SUMF1: variants seen among roughly 807,000 people sequenced by gnomAD.
The protein encoded by SUMF1 is sulfatase modifying factor 1, also known as formylglycine-generating enzyme.
A neutral mutation model predicts 47.6 loss-of-function variants in SUMF1; 48 were observed. The ratio of observed to expected loss-of-function variants is 1.01; its 90% CI spans 0.80 to 1.28. The LOEUF (loss-of-function observed/expected upper bound fraction) is 1.28. SUMF1 is among the 50% of genes most tolerant of loss of function. The pLI is 0.00. For missense variants in SUMF1, 571 were observed against 485.4 expected (o/e 1.18, Z -1.66); for synonymous variants, 230 against 192.1 (o/e 1.20, Z -1.63).
At chr3:4,174,888 G>A (rs1450542626) in intron 8 of SUMF1, among the ~76,000 whole-genome samples, 3 of 152,322 alleles carry the variant, frequency 2.0e-5, no homozygotes, top group Non-Finnish European at 4.4e-5. Context: ...TCTCTCCTGT[G>A]CCTGGCTCGG....
At chr3:4,090,782 T>A (rs1692768187) in intron 8 of SUMF1, among the ~76,000 whole-genome samples, 1 of 152,116 alleles carries the variant, frequency 6.6e-6, no homozygotes, top group African/African-American at 2.4e-5. Flanking sequence ...TGGGTAAACA[T>A]TATCTTGTTT....
intron 1 of SUMF1, among the ~76,000 whole-genome samples, chr3:4,457,378 C>G (rs1205591900): frequency 1.3e-5 from 2 of 151,566 alleles, no homozygotes; most frequent in Non-Finnish European, 2.9e-5. Context: ...TGTCATTTTT[C>G]AAGGAAATAG....
At chr3:4,255,241 C>A (rs1231871666) in intron 8 of SUMF1, among the ~76,000 whole-genome samples, 1 of 124,340 alleles carries the variant, frequency 8.0e-6, no homozygotes, top group Admixed American at 8.2e-5. Flanking sequence ...ATCATAATGA[C>A]AGGATCAAAT....
chr3:4,405,266 C>T (rs903283113), intron 7 of SUMF1, among the ~76,000 whole-genome samples: 2 of 152,156 alleles, frequency 1.3e-5, no homozygotes, highest in Non-Finnish European at 2.9e-5. Context: ...TGGTATGTGC[C>T]CCAAATGTAC....
chr3:4,094,503 G>A (rs1329982719), intron 8 of SUMF1, among the ~76,000 whole-genome samples: 2 of 152,042 alleles, frequency 1.3e-5, no homozygotes, highest in Admixed American at 1.3e-4. Flanking sequence ...TGATGGAGAG[G>A]TCAGGATGTA....
intron 3 of SUMF1, among the ~76,000 whole-genome samples, chr3:4,423,652 T>G (rs908692018): frequency 1.3e-5 from 2 of 152,240 alleles, no homozygotes; most frequent in Admixed American, 6.5e-5. Flanking sequence ...ATTTTACATA[T>G]AATAATTGAT....
intron 8 of SUMF1, among the ~76,000 whole-genome samples, chr3:4,077,983 T>C (rs952153955): frequency 1.3e-5 from 2 of 152,066 alleles, no homozygotes; most frequent in African/African-American, 2.4e-5. Context: ...TTTCATGGCA[T>C]TTTTTTCTTG....
chr3:4,427,169 T>A (rs1246446402), intron 3 of SUMF1, among the ~76,000 whole-genome samples: 2 of 152,234 alleles, frequency 1.3e-5, no homozygotes, highest in East Asian at 3.8e-4. Flanking sequence ...TCTGTATAAT[T>A]ATGCATACTC....
intron 6 of SUMF1, among the ~76,000 whole-genome samples, chr3:4,412,166 G>T (rs1379819054): frequency 6.6e-6 from 1 of 152,210 alleles, no homozygotes; most frequent in Non-Finnish European, 1.5e-5. Context: ...GATTCATTCA[G>T]TAATTCCATG....
At chr3:4,264,002 C>T (rs543767827) in intron 8 of SUMF1, among the ~76,000 whole-genome samples, 1 of 152,226 alleles carries the variant, frequency 6.6e-6, no homozygotes, top group African/African-American at 2.4e-5. Flanking sequence ...TTTACTATTA[C>T]GCACATAACA....
At chr3:4,239,495 T>C (rs1382436549) in intron 8 of SUMF1, among the ~76,000 whole-genome samples, 1 of 152,206 alleles carries the variant, frequency 6.6e-6, no homozygotes, top group Non-Finnish European at 1.5e-5. Context: ...TTCACATCCC[T>C]TGTAAGTTGG....
At position 4,151,752 on chromosome 3, in the gene SUMF1, T is replaced by C. The variant is rs181930925; in HGVS notation, c.1015-83007A>G. Among the ~76,000 whole-genome samples the C allele has an allele frequency of 2.8e-4, 42 of 150,682 alleles. No homozygotes were observed. The East Asian group carries it at 7.9e-3, about 28-fold the overall frequency. On this transcript the variant is annotated intron_variant and NMD_transcript_variant, in intron 8 of 12. Transcript: ENST00000448413. The stretch of plus-strand genomic sequence containing the variant: ...TCTCATAATGTTTTAAGAAAGTTTA[T>C]GAATCTGTGTTGGGCCACATTCAAA...
intron 8 of SUMF1, among the ~76,000 whole-genome samples, chr3:4,224,793 G>C (rs1394759752): frequency 6.6e-6 from 1 of 152,034 alleles, no homozygotes; most frequent in Admixed American, 6.6e-5. Flanking sequence ...TGAGATAAGA[G>C]AGGAAAATGA....
chr3:4,401,853 T>G (rs572015105), intron 7 of SUMF1, among the ~76,000 whole-genome samples: 327 of 152,284 alleles, frequency 2.1e-3, no homozygotes, highest in Middle Eastern at 6.8e-3. Flanking sequence ...TGGCTCTCCC[T>G]TCCCAGGAGC....
intron 8 of SUMF1, among the ~76,000 whole-genome samples, chr3:4,088,092 C>T (rs1298269986): frequency 6.6e-6 from 1 of 152,048 alleles, no homozygotes; most frequent in African/African-American, 2.4e-5. Context: ...GAGATGTATA[C>T]TTTGACTCCT....
intron 8 of SUMF1, among the ~76,000 whole-genome samples, chr3:4,301,298 G>A (rs73806990): frequency 0.05 from 7,651 of 152,222 alleles, 633 homozygotes; most frequent in African/African-American, 0.17. Context: ...CAGAACAAGG[G>A]GTTCCAACAG....
chr3:4,253,923 G>A (rs1048627581), intron 8 of SUMF1, among the ~76,000 whole-genome samples: 1 of 150,292 alleles, frequency 6.7e-6, no homozygotes, highest in African/African-American at 2.5e-5. Context: ...TCTGAGAACT[G>A]GCAGACTGCC....
At position 4,416,361 on chromosome 3, in the gene SUMF1, G is replaced by C. The variant is rs1701712415; in HGVS notation, c.840+767C>G. Among the ~76,000 whole-genome samples, 5 of 152,110 alleles carry C rather than the reference G, an allele frequency of 3.3e-5. No individual in the cohort carries two copies. The South Asian group carries it at 8.3e-4, about 25-fold the overall frequency. On this transcript the variant is annotated intron_variant, in intron 6 of 8. Coordinates refer to ENST00000272902, the MANE Select transcript of SUMF1 (RefSeq NM_182760.4). ...AATACATTGGGGTTTATTTATGACAGGTTATCCAGCTGCTGAAAGACAATG... is the reference window on the plus strand; with the variant it reads ...AATACATTGGGGTTTATTTATGACACGTTATCCAGCTGCTGAAAGACAATG...
chr3:4,145,868 T>TC (rs1269444168), intron 8 of SUMF1, among the ~76,000 whole-genome samples: 7 of 151,992 alleles, frequency 4.6e-5, no homozygotes, highest in Non-Finnish European at 1.0e-4. Context: ...CTCTTCCTTT[T>TC]CCCCCCGTCT....
Sources: gnomAD v4.1 joint callset for allele counts (sites outside exome capture counted in the v4.1 genomes callset) on GRCh38, gnomAD v4.1.1 for gene constraint, MANE v1.5 for transcripts, NCBI Gene and HGNC (gene_info 2026-07-23, HGNC 2026-07-21) for gene names.